Variants in HDX observed in about 807,000 individuals in gnomAD.
HDX encodes highly divergent homeobox.
Under a neutral mutation model 45.2 loss-of-function variants are expected in HDX, and 19 were observed. The observed-to-expected ratio is 0.42, with a 90% CI of 0.29 to 0.62. The LOEUF (loss-of-function observed/expected upper bound fraction) is 0.62, where lower values mean the gene tolerates loss of function less well. Ranked by LOEUF, HDX falls within the 20% of genes least tolerant of loss-of-function variation. The pLI, the probability that HDX is intolerant of heterozygous loss-of-function variation, is 0.20. For missense variants in HDX, 532 were observed against 493.9 expected (o/e 1.08, Z -0.73); for synonymous variants, 188 against 172.8 (o/e 1.09, Z -0.69).
At chrX:84,380,295 T>C (rs917948501) in intron 5 of HDX, among the ~76,000 whole-genome samples, 1 of 108,877 alleles carries the variant, frequency 9.2e-6, no homozygotes, top group Non-Finnish European at 1.9e-5. Flanking sequence ...AAACATTTAA[T>C]AAAGACCTAG....
In HDX at chrX:84,435,836, T is replaced by G. The variant is rs768936141; in HGVS notation, c.1305+4696A>C. ...CACTTTTACACTGTTGGTGGGACTG[T>G]AAACTAGTTCAACCATTGTGGAAGT... On this transcript the variant is annotated intron_variant, in intron 5 of 10. Transcript: ENST00000373177. Among the ~76,000 whole-genome samples the G allele has an allele frequency of 3.4e-3, 331 of 98,263 alleles. 2 individuals are homozygous for G. Among genetic ancestry groups the G allele is most frequent in the African/African-American group, 0.012 (313 of 26,767 alleles). The allele number at this position is 98,263 out of a possible 115,157, so 85.3% of individuals were successfully genotyped here.
chrX:84,404,494 G>A (rs1323620656), intron 5 of HDX, among the ~76,000 whole-genome samples: 1 of 111,249 alleles, frequency 9.0e-6, no homozygotes, highest in East Asian at 2.8e-4. Flanking sequence ...GAATACTGTA[G>A]CATAATACAG....
At chrX:84,450,591 G>A (rs942934573) in intron 4 of HDX, among the ~76,000 whole-genome samples, 9 of 111,802 alleles carry the variant, frequency 8.0e-5, no homozygotes, top group African/African-American at 1.3e-4. Context: ...CAACACAAGC[G>A]TAGTTAGGAA....
intron 5 of HDX, among the ~76,000 whole-genome samples, chrX:84,425,745 T>C (rs931359268): frequency 3.6e-5 from 4 of 110,815 alleles, no homozygotes; most frequent in Non-Finnish European, 7.6e-5. Flanking sequence ...TTGTGGGATC[T>C]ACAAATCAAA....
intron 2 of HDX, among the ~76,000 whole-genome samples, chrX:84,479,716 C>T (rs1356557662): frequency 3.6e-5 from 4 of 111,839 alleles, no homozygotes; most frequent in Non-Finnish European, 7.5e-5. Flanking sequence ...ACTTCCTCAT[C>T]AACATTTATT....
intron 5 of HDX, among the ~76,000 whole-genome samples, chrX:84,422,882 A>T (rs906736198): frequency 9.2e-5 from 10 of 109,065 alleles, no homozygotes; most frequent in African/African-American, 3.0e-4. Flanking sequence ...GTTAGCCAGG[A>T]TGGTCTCGAT....
chrX:84,469,261 A>G lies in HDX; in HGVS notation c.462T>C (p.Pro154=), dbSNP rs753466599. The stretch of plus-strand genomic sequence containing the variant: ...TACAGTGTGCTACTTGTCTTTGGAC[A>G]GGAATGTGTAACTGAAACTCAGTAT... The part of the protein sequence containing the change: ...KNDTEFQLHI[P]VQRQVAHCKN... Residue 154 remains proline, a synonymous_variant, in exon 4 of 11, where the codon CCT becomes CCC. Transcript: ENST00000373177. 5.0e-6 allele frequency: 6 copies of G among 1,209,256 alleles called. No individual in the cohort carries two copies. Among genetic ancestry groups the G allele is most frequent in the Non-Finnish European group, 6.7e-6 (6 of 893,018 alleles).
At chrX:84,415,479 T>C (rs1212855308) in intron 5 of HDX, among the ~76,000 whole-genome samples, 2 of 111,683 alleles carry the variant, frequency 1.8e-5, no homozygotes, top group African/African-American at 6.5e-5. Flanking sequence ...AGAGGTACCA[T>C]AATTAGGGAG....
intron 9 of HDX, among the ~76,000 whole-genome samples, chrX:84,328,176 T>C (rs1479169828): frequency 2.0e-5 from 2 of 101,876 alleles, no homozygotes; most frequent in African/African-American, 6.7e-5. Context: ...CTGGGCAACA[T>C]AGCAAAACCC....
At chrX:84,483,511 A>G (rs945873062) in intron 2 of HDX, among the ~76,000 whole-genome samples, 3 of 112,295 alleles carry the variant, frequency 2.7e-5, no homozygotes, top group African/African-American at 9.7e-5. Flanking sequence ...CCATGGCTGG[A>G]ATGCAGAGCA....
rs527880797 is a variant in HDX at position 84,350,087 on chromosome X, T to C, written c.1453-5630A>G. 2.7e-5 allele frequency among the ~76,000 whole-genome samples: 3 copies of C among 111,290 alleles called. No homozygotes were observed. In the South Asian group the frequency reaches 1.1e-3, roughly 42 times the overall value. On this transcript the variant is annotated intron_variant, in intron 6 of 10. Coordinates refer to ENST00000373177, the MANE Select transcript of HDX (RefSeq NM_001177479.2). ...TAAAAACTGAAAAAAGACTCCCTCT[T>C]TGACCCACGGATTATTTAGAAATGT...
intron 5 of HDX, among the ~76,000 whole-genome samples, chrX:84,383,911 A>G (rs192788932): frequency 1.3e-4 from 15 of 111,487 alleles, no homozygotes; most frequent in Admixed American, 2.8e-4. Context: ...ATAGTATTCC[A>G]TGGTGTATAT....
intron 2 of HDX, among the ~76,000 whole-genome samples, chrX:84,486,998 G>A (rs192127261): frequency 1.8e-5 from 2 of 111,243 alleles, no homozygotes; most frequent in East Asian, 5.6e-4. Context: ...ATCCCATAGG[G>A]CTTGAGTTTC....
Position 84,415,370 on chromosome X carries a change from C to A in HDX, c.1305+25162G>T, listed in dbSNP as rs377421079. On this transcript the variant is annotated intron_variant, in intron 5 of 10. Coordinates refer to ENST00000373177, the MANE Select transcript of HDX (RefSeq NM_001177479.2). The stretch of plus-strand genomic sequence containing the variant: ...TTTTGCTTCCTATTTCTCTCAGTAT[C>A]ACCCCAGGAACAGCCCTTCATTCTG... 1.1e-4 allele frequency among the ~76,000 whole-genome samples: 12 copies of A among 111,724 alleles called. No individual in the cohort carries two copies. In the East Asian group the frequency reaches 1.4e-3, roughly 13 times the overall value.
At chrX:84,471,068 A>T (rs2040445959) in intron 3 of HDX, among the ~76,000 whole-genome samples, 1 of 112,076 alleles carries the variant, frequency 8.9e-6, no homozygotes, top group South Asian at 3.6e-4. Context: ...AACAAACAAT[A>T]GTTCAGAGTA....
chrX:84,408,342 G>A (rs887224496), intron 5 of HDX, among the ~76,000 whole-genome samples: 3 of 110,019 alleles, frequency 2.7e-5, no homozygotes, highest in South Asian at 3.8e-4. Flanking sequence ...TGACTTTGTC[G>A]AAGATCAGAT....
At chrX:84,481,755 T>C (rs755550757) in intron 2 of HDX, among the ~76,000 whole-genome samples, 2 of 111,151 alleles carry the variant, frequency 1.8e-5, no homozygotes, top group African/African-American at 3.3e-5. Flanking sequence ...TATATGAAGG[T>C]TTCTTACTTG....
chrX:84,324,503 G>C (rs765589862), intron 10 of HDX, among the ~76,000 whole-genome samples: 26 of 110,987 alleles, frequency 2.3e-4, no homozygotes, highest in Non-Finnish European at 3.8e-4. Flanking sequence ...GTTTCTATTT[G>C]GTGCTGATTA....
intron 7 of HDX, among the ~76,000 whole-genome samples, chrX:84,342,406 G>A (rs1288126209): frequency 9.0e-6 from 1 of 111,143 alleles, no homozygotes; most frequent in African/African-American, 3.3e-5. Context: ...CAGCTATTAA[G>A]ACATTTTATA....
Sources: gnomAD v4.1 joint callset for allele counts (sites outside exome capture counted in the v4.1 genomes callset) on GRCh38, gnomAD v4.1.1 for gene constraint, MANE v1.5 for transcripts, NCBI Gene and HGNC (gene_info 2026-07-23, HGNC 2026-07-21) for gene names.